Variants in FYB1 observed in about 807,000 individuals in gnomAD.
FYB1 encodes FYN binding protein 1.
Under a neutral mutation model 94.1 loss-of-function variants are expected in FYB1, and 41 were observed. That is an observed-to-expected ratio of 0.44 (90% CI 0.34 to 0.57). FYB1 has a LOEUF of 0.57. Ranked by LOEUF, FYB1 falls within the 20% of genes least tolerant of loss-of-function variation. FYB1 has a pLI of 0.02. For missense variants in FYB1, 1,050 were observed against 976.8 expected (o/e 1.07, Z -1.00); for synonymous variants, 367 against 353.2 (o/e 1.04, Z -0.44).
chr5:39,146,978 A>G (rs1742711545), intron 3 of FYB1, among the ~76,000 whole-genome samples: 1 of 152,196 alleles, frequency 6.6e-6, no homozygotes, highest in South Asian at 2.1e-4. Context: ...TAAGGGTTCC[A>G]AGCATTGAGA....
intron 1 of FYB1, among the ~76,000 whole-genome samples, chr5:39,265,497 A>G (rs1002871053): frequency 9.2e-4 from 130 of 140,622 alleles, no homozygotes; most frequent in East Asian, 8.5e-3. Flanking sequence ...AAAAAAAAAA[A>G]GAAAAAAAAA....
intron 1 of FYB1, among the ~76,000 whole-genome samples, chr5:39,234,612 A>G (rs948051544): frequency 1.3e-5 from 2 of 152,190 alleles, no homozygotes; most frequent in African/African-American, 4.8e-5. Context: ...TTGCAGCACT[A>G]TTTACAATAG....
chr5:39,119,309 T>C (rs1037778674), intron 15 of FYB1, among the ~76,000 whole-genome samples: 2 of 152,098 alleles, frequency 1.3e-5, no homozygotes, highest in Admixed American at 6.5e-5. Flanking sequence ...GTGCATATTA[T>C]AGCTTGCTTA....
At chr5:39,148,466 C>A (rs1302529107) in intron 3 of FYB1, among the ~76,000 whole-genome samples, 1 of 116,544 alleles carries the variant, frequency 8.6e-6, no homozygotes, top group African/African-American at 3.3e-5. Flanking sequence ...TTGTTCTATA[C>A]CTGCCTTACT....
chr5:39,215,346 C>T (rs1486057870), intron 1 of FYB1, among the ~76,000 whole-genome samples: 1 of 152,140 alleles, frequency 6.6e-6, no homozygotes, highest in Non-Finnish European at 1.5e-5. Flanking sequence ...ACAACTCTCA[C>T]TGACTACTTT....
At position 39,124,280 on chromosome 5, in the gene FYB1, T is replaced by A; in HGVS notation, c.2046-2A>T. 1 of 1,551,418 alleles carries A rather than the reference T, an allele frequency of 6.4e-7. No homozygotes were observed. Among genetic ancestry groups the A allele is most frequent in the Non-Finnish European group, 8.7e-7 (1 of 1,150,962 alleles). ...AATTGTTTAGGAGGAGCAGGGAAAC[T>A]ACAAAGAAAGTGAGAACACAATTAT... On this transcript the variant is annotated splice_acceptor_variant, in intron 12 of 18. Coordinates refer to ENST00000512982, the MANE Select transcript of FYB1 (RefSeq NM_001465.6). LOFTEE classifies it high-confidence loss of function.
rs1742477846 is a variant in FYB1 at position 39,144,590 on chromosome 5, T to G, written c.1293-3449A>C. Reference sequence around the variant, plus strand: ...TCTGAGGTGGGTGGATCATCTGAGGTCAGGAGTTCGAGACCAGCCTGGTCA... The same window carrying G: ...TCTGAGGTGGGTGGATCATCTGAGGGCAGGAGTTCGAGACCAGCCTGGTCA... On this transcript the variant is annotated intron_variant, in intron 3 of 18. Transcript: ENST00000512982. Among the ~76,000 whole-genome samples the G allele has an allele frequency of 3.9e-5, 6 of 152,180 alleles. 1 individual carries two copies. The South Asian group carries it at 1.2e-3, about 32-fold the overall frequency.
intron 10 of FYB1, among the ~76,000 whole-genome samples, chr5:39,129,274 T>C (rs1740964805): frequency 6.6e-6 from 1 of 151,840 alleles, no homozygotes; most frequent in Non-Finnish European, 1.5e-5. Flanking sequence ...AGAATAAAAC[T>C]AGGCGCCATC....
chr5:39,202,620 C>A lies in FYB1; in HGVS notation c.341G>T (p.Gly114Val), dbSNP rs779238257. Residue 114 changes from glycine to valine, a missense_variant, in exon 2 of 19, where the codon GGC becomes GTC. Gly to Val is a moderately radical substitution (Grantham distance 109). Coordinates refer to ENST00000512982, the MANE Select transcript of FYB1 (RefSeq NM_001465.6). ...TTTGGGCAAGTTGATGGGCTTGGGG[C>A]CTACAGGTTTCAGAAATCCCACTTT... ...EAKVGFLKPV[G>V]PKPINLPKED... 1 of 1,613,756 alleles carries A rather than the reference C, an allele frequency of 6.2e-7. No homozygotes were observed. The highest frequency in any genetic ancestry group is 1.1e-5 in the South Asian group (1 of 91,050).
At chr5:39,185,843 G>T (rs1379388187) in intron 2 of FYB1, among the ~76,000 whole-genome samples, 2 of 152,192 alleles carry the variant, frequency 1.3e-5, no homozygotes, top group East Asian at 3.9e-4. Flanking sequence ...AATATTGGGA[G>T]CAGGTAGGGG....
chr5:39,273,401 T>A (rs537398090), intron 1 of FYB1, among the ~76,000 whole-genome samples: 1 of 152,370 alleles, frequency 6.6e-6, no homozygotes, highest in East Asian at 1.9e-4. Flanking sequence ...TTTTAAGGCA[T>A]AATCATGTTA....
At chr5:39,154,664 G>T (rs906940470) in intron 2 of FYB1, among the ~76,000 whole-genome samples, 2 of 152,016 alleles carry the variant, frequency 1.3e-5, no homozygotes, top group African/African-American at 2.4e-5. Flanking sequence ...CTGCCACCAT[G>T]CCCAGCTAAT....
intron 2 of FYB1, among the ~76,000 whole-genome samples, chr5:39,186,483 A>G (rs1746813786): frequency 6.6e-6 from 1 of 152,156 alleles, no homozygotes; most frequent in Admixed American, 6.6e-5. Context: ...GTCAACAAAG[A>G]GTAGAACTTA....
intron 3 of FYB1, among the ~76,000 whole-genome samples, chr5:39,148,088 A>G (rs1401554491): frequency 6.9e-6 from 1 of 143,954 alleles, no homozygotes; most frequent in Non-Finnish European, 1.5e-5. Context: ...CCGCTGCTCT[A>G]ATGCCCGGCT....
chr5:39,178,474 G>A (rs1382845060), intron 2 of FYB1, among the ~76,000 whole-genome samples: 4 of 152,140 alleles, frequency 2.6e-5, no homozygotes, highest in African/African-American at 9.7e-5. Flanking sequence ...CAAAATGCCC[G>A]TGGTTTAATT....
chr5:39,114,790 A>T (rs1378410063), intron 16 of FYB1, among the ~76,000 whole-genome samples: 5 of 152,176 alleles, frequency 3.3e-5, no homozygotes, highest in Non-Finnish European at 5.9e-5. Context: ...GTTTCATTCA[A>T]TCCAGCAAGC....
At chr5:39,137,823 A>T (rs1741793290) in intron 6 of FYB1, 103 bp from the exon 7 acceptor site, 1 of 1,452,928 alleles carries the variant, frequency 6.9e-7, no homozygotes, top group Non-Finnish European at 9.2e-7. Context: ...GTGGTATCTG[A>T]AGTACAGTTG....
At chr5:39,245,342 C>T (rs1331607068) in intron 1 of FYB1, among the ~76,000 whole-genome samples, 1 of 152,060 alleles carries the variant, frequency 6.6e-6, no homozygotes, top group Non-Finnish European at 1.5e-5. Context: ...GCATCTTTTG[C>T]AGTCTGAGGT....
intron 3 of FYB1, among the ~76,000 whole-genome samples, chr5:39,152,545 A>G (rs1467279248): frequency 6.6e-6 from 1 of 152,236 alleles, no homozygotes; most frequent in African/African-American, 2.4e-5. Context: ...GCAATTTTCT[A>G]CAAGAAGAAA....
Sources: gnomAD v4.1 joint callset for allele counts (sites outside exome capture counted in the v4.1 genomes callset) on GRCh38, gnomAD v4.1.1 for gene constraint, MANE v1.5 for transcripts, NCBI Gene and HGNC (gene_info 2026-07-23, HGNC 2026-07-21) for gene names.